Variants in RELCH observed in about 807,000 individuals in gnomAD.
RELCH encodes the protein RAB11-binding protein RELCH.
In RELCH, 41 loss-of-function variants were observed where a neutral mutation model predicts 150.3. The observed-to-expected ratio is 0.27, with a 90% confidence interval of 0.21 to 0.35. The LOEUF (loss-of-function observed/expected upper bound fraction) is 0.35. Ranked by LOEUF, RELCH falls within the 10% of genes least tolerant of loss-of-function variation. RELCH has a pLI of 1.00. For synonymous variants in RELCH, 478 were observed against 531.8 expected (o/e 0.90, Z 1.39); for missense variants, 1,092 against 1,467.8 (o/e 0.74, Z 4.18).
chr18:62,263,595 A>G (rs115309079), intron 16 of RELCH, among the ~76,000 whole-genome samples: 10,487 of 152,114 alleles, frequency 0.069, 436 homozygotes, highest in Middle Eastern at 0.14. Context: ...TTTGTTATGA[A>G]TGAAGATTTG....
At chr18:62,270,664 C>CT (rs1159530194) in intron 20 of RELCH, among the ~76,000 whole-genome samples, 1 of 151,794 alleles carries the variant, frequency 6.6e-6, no homozygotes, top group African/African-American at 2.4e-5. Context: ...TATTATTATA[C>CT]TTTAAGTTCT....
At position 62,287,438 on chromosome 18, in the gene RELCH, T is replaced by C; in HGVS notation, c.3341T>C (p.Phe1114Ser). The change falls in exon 26 of 29, where the codon TTT becomes TCT. Residue 1114 changes from phenylalanine (F) to serine (S), a missense_variant. Phe to Ser is a radical substitution (Grantham distance 155). Coordinates refer to ENST00000644646, the MANE Select transcript of RELCH (RefSeq NM_001346231.2). ...SKRLDIATHL[F>S]EAYSALSCCF... ...AGACTGGACATTGCTACGCATCTTT[T>C]TGAAGCCTACAGTGCACTTTCCTGT... 1 of 1,603,078 alleles carries C rather than the reference T, an allele frequency of 6.2e-7. No individual in the cohort carries two copies. The highest frequency in any genetic ancestry group is 1.1e-5 in the South Asian group (1 of 90,532).
At chr18:62,253,057 T>C (rs1204148143) in intron 12 of RELCH, among the ~76,000 whole-genome samples, 2 of 151,898 alleles carry the variant, frequency 1.3e-5, no homozygotes, top group Non-Finnish European at 1.5e-5. Context: ...AACAAAGAAA[T>C]GGTCTGCTAT....
At chr18:62,252,832 G>A in intron 12 of RELCH, 78 bp downstream of exon 12, 2 of 1,043,698 alleles carry the variant, frequency 1.9e-6, no homozygotes, top group South Asian at 2.7e-5. Flanking sequence ...CTTTTTAAAG[G>A]CGTTTAAGAA....
intron 1 of RELCH, among the ~76,000 whole-genome samples, chr18:62,190,499 C>T (rs2038547889): frequency 6.6e-6 from 1 of 152,100 alleles, no homozygotes; most frequent in Admixed American, 6.5e-5. Context: ...ATTGCTTGAA[C>T]CCAGGAGGCA....
chr18:62,273,662 C>CTTAATAG (rs1171701106), intron 20 of RELCH, among the ~76,000 whole-genome samples: 1 of 152,140 alleles, frequency 6.6e-6, no homozygotes, highest in Non-Finnish European at 1.5e-5. Context: ...TAAGCCTTTG[C>CTTAATAG]ACTGTACCCA....
intron 20 of RELCH, among the ~76,000 whole-genome samples, chr18:62,270,740 A>G (rs1251703020): frequency 6.6e-6 from 1 of 151,892 alleles, no homozygotes; most frequent in African/African-American, 2.4e-5. Context: ...GGTTTGCTGC[A>G]CCCCTTAACT....
intron 28 of RELCH, among the ~76,000 whole-genome samples, chr18:62,304,715 G>A (rs2145180528): frequency 6.6e-6 from 1 of 152,258 alleles, no homozygotes; most frequent in East Asian, 1.9e-4. Flanking sequence ...TTCTGTTTCT[G>A]TTCAGTACTA....
intron 23 of RELCH, chr18:62,280,401 G>A (rs758946082): frequency 2.5e-6 from 4 of 1,613,994 alleles, no homozygotes; most frequent in Non-Finnish European, 3.4e-6. Flanking sequence ...TTGACAAGCG[G>A]GTTGCTCCGG....
Position 62,275,391 on chromosome 18 carries a change from A to G in RELCH, c.2885A>G (p.His962Arg), listed in dbSNP as rs2044148169. ...FVELGANPAY[H>R]ELLLTVLWYG... ...TCTTCTAGTGCAAACCCAGCCTACC[A>G]TGAGTTACTATTAACTGTTTTGTGG... Residue 962 changes from histidine (H) to arginine (R), a missense_variant, in exon 22 of 29, where the codon CAT (histidine) becomes CGT (arginine). By Grantham distance (29) the His-to-Arg change is conservative. Coordinates refer to ENST00000644646, the MANE Select transcript of RELCH (RefSeq NM_001346231.2). 6.5e-7 allele frequency: 1 copy of G among 1,549,962 alleles called. No homozygotes were observed. The highest frequency in any genetic ancestry group is 8.7e-7 in the Non-Finnish European group (1 of 1,155,658).
chr18:62,231,620 C>T (rs571882592), intron 9 of RELCH, among the ~76,000 whole-genome samples: 2 of 151,892 alleles, frequency 1.3e-5, no homozygotes, highest in African/African-American at 4.8e-5. Context: ...CTATTATTTT[C>T]ATTTCATTAG....
Position 62,228,332 on chromosome 18 carries a change from C to T in RELCH, c.1182C>T (p.His394=). 1.2e-6 allele frequency: 2 copies of T among 1,612,114 alleles called. No individual in the cohort carries two copies. Among genetic ancestry groups the T allele is most frequent in the South Asian group, 1.1e-5 (1 of 90,744 alleles). Residue 394 remains histidine, a synonymous_variant, in exon 8 of 29, where the codon CAC becomes CAT. Coordinates refer to ENST00000644646, the MANE Select transcript of RELCH (RefSeq NM_001346231.2). ...AAATGGACTTCCTCAAAAATGAACACTTTGCCATCCCAGCAGTTTGTGACT... is the reference window on the plus strand; with the variant it reads ...AAATGGACTTCCTCAAAAATGAACATTTTGCCATCCCAGCAGTTTGTGACT... ...KSEMDFLKNE[H]FAIPAVCDSV...
chr18:62,208,825 G>A (rs116546598), intron 1 of RELCH, among the ~76,000 whole-genome samples: 1,973 of 152,230 alleles, frequency 0.013, 37 homozygotes, highest in African/African-American at 0.043. Context: ...CACAAAAGAC[G>A]TGATCTTCTT....
chr18:62,194,162 C>T (rs1264735438), intron 1 of RELCH, among the ~76,000 whole-genome samples: 4 of 152,040 alleles, frequency 2.6e-5, no homozygotes, highest in Non-Finnish European at 4.4e-5. Flanking sequence ...ATAGGAGGAT[C>T]GCTTGAGCCC....
Position 62,305,448 on chromosome 18 carries a change from G to C in RELCH, c.3565G>C (p.Asp1189His), listed in dbSNP as rs1239849096. The stretch of plus-strand genomic sequence containing the variant: ...AATTGCTGCAAGCTTAGTGAGTGAA[G>C]ATACAAAGACCAAGTTTTTGAACAA... ...MSIAASLVSEDTKTKFLNKMG... is the reference protein window; with the variant it reads ...MSIAASLVSEHTKTKFLNKMG... Residue 1189 changes from aspartate to histidine, a missense_variant, in exon 29 of 29, where the codon GAT becomes CAT. Asp to His is a moderately conservative substitution (Grantham distance 81, BLOSUM62 -1). Transcript: ENST00000644646. This position sits in a 1 kb window ranked among gnomAD's most constrained non-coding sequence, Gnocchi z 4.0. 6.2e-7 allele frequency: 1 copy of C among 1,611,088 alleles called. No homozygotes were observed. Among genetic ancestry groups the C allele is most frequent in the Non-Finnish European group, 8.5e-7 (1 of 1,178,360 alleles).
intron 15 of RELCH, among the ~76,000 whole-genome samples, chr18:62,259,097 TC>T (rs1260867886): frequency 1.3e-5 from 2 of 152,070 alleles, no homozygotes; most frequent in East Asian, 3.8e-4. Context: ...AGTTCATTTC[TC>T]ATTTTTAAAA....
intron 13 of RELCH, among the ~76,000 whole-genome samples, chr18:62,256,537 T>A (rs148016069): frequency 1.3e-5 from 2 of 152,084 alleles, no homozygotes; most frequent in South Asian, 4.1e-4. Flanking sequence ...ATAAATAGGC[T>A]GTTCTACTCT....
chr18:62,281,613 A>C (rs1418727060), intron 24 of RELCH, among the ~76,000 whole-genome samples: 2 of 152,288 alleles, frequency 1.3e-5, no homozygotes, highest in East Asian at 3.9e-4. Flanking sequence ...ATTATATTGG[A>C]TATGTCCTTA....
chr18:62,289,175 A>C (rs75385927), intron 26 of RELCH, among the ~76,000 whole-genome samples: 121 of 152,292 alleles, frequency 7.9e-4, no homozygotes, highest in Non-Finnish European at 1.4e-3. Flanking sequence ...TAAATACAGT[A>C]AAAAGGCGAC....
Sources: gnomAD v4.1 joint callset for allele counts (sites outside exome capture counted in the v4.1 genomes callset) on GRCh38, gnomAD v4.1.1 for gene constraint, Gnocchi (gnomAD v3.1) non-coding constraint, MANE v1.5 for transcripts, NCBI Gene and HGNC (gene_info 2026-07-23, HGNC 2026-07-21) for gene names.